FGF13: variants seen among roughly 807,000 people sequenced by gnomAD.
FGF13 encodes the protein fibroblast growth factor homologous factor 2.
A neutral mutation model predicts 19.5 loss-of-function variants in FGF13; 2 were observed. The ratio of observed to expected loss-of-function variants is 0.10; its 90% CI spans 0.04 to 0.32. The LOEUF is 0.32. Among genes scored for constraint, FGF13 ranks in the 10% least tolerant of loss-of-function variants. The pLI is 1.00. For missense variants in FGF13, 113 were observed against 192.7 expected (o/e 0.59, Z 2.45); for synonymous variants, 72 against 76.9 (o/e 0.94, Z 0.33).
intron 3 of FGF13, among the ~76,000 whole-genome samples, chrX:138,814,846 G>A (rs768680655): frequency 4.5e-5 from 5 of 110,764 alleles, no homozygotes; most frequent in Non-Finnish European, 7.6e-5. Flanking sequence ...CTGGATACAC[G>A]TTAAAAAAAT....
intron 1 of FGF13, among the ~76,000 whole-genome samples, chrX:139,067,667 A>G (rs1935347555): frequency 8.9e-6 from 1 of 112,249 alleles, no homozygotes; most frequent in South Asian, 3.7e-4. Context: ...TTCCATGCTC[A>G]TGGATAGGAA....
intron 1 of FGF13, among the ~76,000 whole-genome samples, chrX:139,040,495 A>AGG (rs749008732): frequency 9.0e-6 from 1 of 110,987 alleles, no homozygotes; most frequent in African/African-American, 3.3e-5. Context: ...AAATCCTGGG[A>AGG]GGGGTAGGAG....
chrX:138,836,018 T>C (rs2091110626), intron 3 of FGF13, among the ~76,000 whole-genome samples: 1 of 111,413 alleles, frequency 9.0e-6, no homozygotes, highest in African/African-American at 3.3e-5. Flanking sequence ...GCCCCCAATG[T>C]CTTCTAGCTT....
At chrX:138,858,123 A>G (rs141167682) in intron 2 of FGF13, among the ~76,000 whole-genome samples, 396 of 111,995 alleles carry the variant, frequency 3.5e-3, no homozygotes, top group African/African-American at 0.013. Context: ...ACTTCCAAGC[A>G]GTATACACGG....
intron 3 of FGF13, among the ~76,000 whole-genome samples, chrX:138,644,373 G>A (rs1319513907): frequency 1.8e-5 from 2 of 110,869 alleles, no homozygotes; most frequent in Non-Finnish European, 3.8e-5. Flanking sequence ...CACCTCCCGG[G>A]TTCAAGGGAT....
intron 1 of FGF13, among the ~76,000 whole-genome samples, chrX:138,966,544 T>G (rs948916357): frequency 2.7e-5 from 3 of 112,451 alleles, no homozygotes; most frequent in African/African-American, 9.7e-5. Flanking sequence ...AGGGGTGTAT[T>G]TACCCAATGC....
chrX:139,028,616 TGAGAGAGAGAGAGAGAGA>T (rs769711673), intron 1 of FGF13, among the ~76,000 whole-genome samples: 45 of 74,077 alleles, frequency 6.1e-4, no homozygotes, highest in South Asian at 3.1e-3. Context: ...TGTGTGTGTG[TGAGAGAGAGAGAGAGAGA>T]GTGTGTGTGT....
intron 1 of FGF13, among the ~76,000 whole-genome samples, chrX:138,731,307 C>T (rs760445909): frequency 1.8e-5 from 2 of 110,042 alleles, no homozygotes; most frequent in African/African-American, 6.6e-5. Context: ...TGAGCCATAA[C>T]CCAAATTTAA....
chrX:138,854,092 T>C (rs1239420513), downstream of FGF13, among the ~76,000 whole-genome samples: 1 of 111,799 alleles, frequency 8.9e-6, no homozygotes, highest in Non-Finnish European at 1.9e-5. Flanking sequence ...AAGAAAAAGA[T>C]TTTGGTAATG....
At chrX:138,947,225 G>A (rs2091785899) in intron 1 of FGF13, among the ~76,000 whole-genome samples, 2 of 111,755 alleles carry the variant, frequency 1.8e-5, no homozygotes, top group South Asian at 7.4e-4. Context: ...AACGATGACT[G>A]TGAACATCTA....
intron 1 of FGF13, among the ~76,000 whole-genome samples, chrX:138,933,942 G>C (rs965813109): frequency 2.7e-5 from 3 of 111,977 alleles, no homozygotes; most frequent in African/African-American, 9.7e-5. Context: ...ATTAAGTTAT[G>C]AACCCAGTAT....
intron 1 of FGF13, among the ~76,000 whole-genome samples, chrX:138,869,103 T>C (rs1178048088): frequency 1.8e-5 from 2 of 111,517 alleles, no homozygotes; most frequent in East Asian, 2.8e-4. Flanking sequence ...AGTCAGGAAA[T>C]ACTTTTATTT....
intron 3 of FGF13, among the ~76,000 whole-genome samples, chrX:138,823,639 T>C (rs777425124): frequency 1.8e-5 from 2 of 111,754 alleles, no homozygotes; most frequent in Non-Finnish European, 3.8e-5. Context: ...TGAATCTATT[T>C]CAGTTCAATT....
intron 1 of FGF13, among the ~76,000 whole-genome samples, chrX:138,984,173 C>T (rs1324443419): frequency 9.0e-6 from 1 of 110,735 alleles, no homozygotes. Context: ...TTTGGCAGGC[C>T]AAGGCGGGCA....
At chrX:139,000,753 T>C (rs747638018) in intron 1 of FGF13, among the ~76,000 whole-genome samples, 1 of 111,701 alleles carries the variant, frequency 9.0e-6, no homozygotes, top group Non-Finnish European at 1.9e-5. Flanking sequence ...AAAATGGCCA[T>C]ACTGCCCAAG....
At chrX:138,812,775 GT>G (rs1466491774) in intron 3 of FGF13, among the ~76,000 whole-genome samples, 1 of 111,121 alleles carries the variant, frequency 9.0e-6, no homozygotes, top group African/African-American at 3.3e-5. Context: ...GGGTTTCCAG[GT>G]TTGTTACATA....
chrX:139,083,008 G>GA (rs1300947347), intron 1 of FGF13, among the ~76,000 whole-genome samples: 1 of 111,027 alleles, frequency 9.0e-6, no homozygotes, highest in Non-Finnish European at 1.9e-5. Flanking sequence ...AACAAGGAAA[G>GA]AAAAACATGA....
chrX:138,617,849 G>C lies in FGF13; in HGVS notation c.*15001C>G, dbSNP rs928212574. On this transcript the variant is annotated 3_prime_UTR_variant, in exon 5 of 5. Transcript: ENST00000315930. ...TCCCAGCTACTTGGGAGGCTGAAGT[G>C]GGAGGATCACTTGACCCAAGAAATT... The C allele has an allele frequency of 1.8e-5, 2 of 110,527 alleles. No individual in the cohort carries two copies. The highest frequency in any genetic ancestry group is 9.7e-5 in the Admixed American group (1 of 10,314). 9.1% of individuals were successfully genotyped at this position (110,527 alleles called of 1,213,427 possible). A position where few individuals can be genotyped will look rare whatever the true frequency, so the allele number is the denominator to read the frequency against.
chrX:138,761,584 T>C (rs988453728), intron 3 of FGF13, among the ~76,000 whole-genome samples: 1 of 111,360 alleles, frequency 9.0e-6, no homozygotes, highest in Non-Finnish European at 1.9e-5. Context: ...GTCTGCCCCA[T>C]TGGACTTGAA....
Sources: allele counts gnomAD v4.1 joint callset (sites outside exome capture counted in the v4.1 genomes callset), GRCh38; gene constraint gnomAD v4.1.1; transcripts MANE v1.5; gene names NCBI Gene and HGNC (gene_info 2026-07-23, HGNC 2026-07-21).